MAGI2: variants seen among roughly 807,000 people sequenced by gnomAD.
MAGI2 encodes membrane-associated guanylate kinase, WW and PDZ domain-containing protein 2.
MAGI2 carries 35 observed loss-of-function variants against 133.3 expected under a neutral mutation model. The observed-to-expected ratio is 0.26, with a 90% CI of 0.20 to 0.35. MAGI2 has a LOEUF of 0.35. Ranked by LOEUF, MAGI2 falls within the 10% of genes least tolerant of loss-of-function variation. The pLI is 1.00. For missense variants in MAGI2, 1,636 were observed against 1,863.4 expected (o/e 0.88, Z 2.25); for synonymous variants, 729 against 710.6 (o/e 1.03, Z -0.41).
At chr7:78,593,166 G>GATCTC (rs1804222016) in intron 3 of MAGI2, among the ~76,000 whole-genome samples, 1 of 151,412 alleles carries the variant, frequency 6.6e-6, no homozygotes, top group Non-Finnish European at 1.5e-5. Context: ...TTAGATGAGG[G>GATCTC]CGGATCACGA....
intron 1 of MAGI2, among the ~76,000 whole-genome samples, chr7:79,329,494 T>C (rs556773939): frequency 1.3e-5 from 2 of 152,346 alleles, no homozygotes; most frequent in South Asian, 2.1e-4. Flanking sequence ...TAATACAACA[T>C]AGTATGACTT....
intron 2 of MAGI2, among the ~76,000 whole-genome samples, chr7:78,954,198 C>A (rs2115600713): frequency 6.6e-6 from 1 of 152,162 alleles, no homozygotes; most frequent in East Asian, 1.9e-4. Flanking sequence ...ACACTGTAAG[C>A]CCCGGAGAGC....
chr7:78,473,647 C>T (rs981052178), intron 6 of MAGI2, among the ~76,000 whole-genome samples: 1 of 150,654 alleles, frequency 6.6e-6, no homozygotes, highest in Admixed American at 6.7e-5. Context: ...ACCATGCACA[C>T]TTTTTCATCA....
chr7:78,128,896 T>C (rs1326806053), intron 18 of MAGI2, among the ~76,000 whole-genome samples: 1 of 152,202 alleles, frequency 6.6e-6, no homozygotes, highest in Non-Finnish European at 1.5e-5. Flanking sequence ...ATGCTGAGAA[T>C]AGAATTATTT....
At chr7:78,774,094 TGCTGAGTA>T (rs1194291253) in intron 2 of MAGI2, among the ~76,000 whole-genome samples, 1 of 152,204 alleles carries the variant, frequency 6.6e-6, no homozygotes, top group East Asian at 1.9e-4. Flanking sequence ...TTGTAGTGTT[TGCTGAGTA>T]CCAGAATCAC....
chr7:78,127,174 C>A (rs1821068908), intron 19 of MAGI2, 23 bp downstream of exon 19: 4 of 1,535,670 alleles, frequency 2.6e-6, no homozygotes, highest in East Asian at 2.3e-5. Flanking sequence ...TCAGGACCCA[C>A]CCTGCTCTCC....
chr7:78,226,044 G>C (rs1262871395), intron 10 of MAGI2, among the ~76,000 whole-genome samples: 1 of 152,122 alleles, frequency 6.6e-6, no homozygotes. Context: ...AAAATTATTA[G>C]AAAATTAAAA....
intron 1 of MAGI2, among the ~76,000 whole-genome samples, chr7:79,020,333 A>C (rs771327514): frequency 6.6e-6 from 1 of 152,208 alleles, no homozygotes; most frequent in Non-Finnish European, 1.5e-5. Context: ...ATTCACAAAA[A>C]TATGTTTTGG....
At chr7:78,469,762 G>C (rs1042916836) in intron 6 of MAGI2, among the ~76,000 whole-genome samples, 1 of 152,022 alleles carries the variant, frequency 6.6e-6, no homozygotes, top group Non-Finnish European at 1.5e-5. Context: ...TTCCAATTTA[G>C]AATCCTGAGA....
intron 20 of MAGI2, 44 bp downstream of exon 20, chr7:78,125,650 T>C: frequency 6.2e-7 from 1 of 1,603,058 alleles, no homozygotes; most frequent in Non-Finnish European, 8.5e-7. Flanking sequence ...CAGTCGGTTT[T>C]TCTTTCAGAA....
chr7:79,217,353 A>G (rs1025654987), intron 1 of MAGI2, among the ~76,000 whole-genome samples: 3 of 152,164 alleles, frequency 2.0e-5, no homozygotes, highest in Non-Finnish European at 4.4e-5. Flanking sequence ...TCCCTATCAT[A>G]TATTTATTTC....
intron 2 of MAGI2, among the ~76,000 whole-genome samples, chr7:78,872,467 T>C (rs1048240927): frequency 6.6e-6 from 1 of 152,132 alleles, no homozygotes; most frequent in Admixed American, 6.5e-5. Flanking sequence ...ACATACATTC[T>C]TTGAATCTTA....
At chr7:78,276,954 CCA>C (rs989734065) in intron 9 of MAGI2, among the ~76,000 whole-genome samples, 2 of 152,060 alleles carry the variant, frequency 1.3e-5, no homozygotes, top group Admixed American at 6.6e-5. Flanking sequence ...GCATTCACTT[CCA>C]GACTTCTTAT....
chr7:79,229,718 T>C (rs1161227302), intron 1 of MAGI2, among the ~76,000 whole-genome samples: 1 of 152,156 alleles, frequency 6.6e-6, no homozygotes, highest in Non-Finnish European at 1.5e-5. Flanking sequence ...ACTGATGATA[T>C]GACTTCTCAC....
chr7:79,152,164 G>A (rs552977397), intron 1 of MAGI2, among the ~76,000 whole-genome samples: 34 of 152,180 alleles, frequency 2.2e-4, no homozygotes, highest in Non-Finnish European at 3.8e-4. Context: ...GTGTAGAAGA[G>A]TATCTAAGTG....
At position 78,991,903 on chromosome 7, in the gene MAGI2, A is replaced by G. The variant is rs571409813; in HGVS notation, c.418+15187T>C. 2.6e-5 allele frequency among the ~76,000 whole-genome samples: 4 copies of G among 152,188 alleles called. No individual in the cohort carries two copies. In the South Asian group the frequency reaches 8.3e-4, roughly 32 times the overall value. The stretch of plus-strand genomic sequence containing the variant: ...CAAGAAAACCTTTGATATTTCAGGG[A>G]TTGCCACAATATTTTTCCTTCTTTC... On this transcript the variant is annotated intron_variant, in intron 2 of 21. Transcript: ENST00000354212.
intron 2 of MAGI2, among the ~76,000 whole-genome samples, chr7:78,746,639 A>G (rs1350683721): frequency 6.6e-6 from 1 of 152,232 alleles, no homozygotes; most frequent in African/African-American, 2.4e-5. Flanking sequence ...TACATTTCAT[A>G]GCTGTCTCCT....
intron 1 of MAGI2, among the ~76,000 whole-genome samples, chr7:79,193,039 T>A (rs768714021): frequency 6.6e-6 from 1 of 151,764 alleles, no homozygotes; most frequent in African/African-American, 2.4e-5. Flanking sequence ...TCAAACTCCT[T>A]CTCCTCAAGT....
intron 6 of MAGI2, among the ~76,000 whole-genome samples, chr7:78,416,453 A>T (rs1425041021): frequency 6.6e-6 from 1 of 152,194 alleles, no homozygotes; most frequent in Non-Finnish European, 1.5e-5. Context: ...TAAATTATTC[A>T]TATGAAATGA....
Sources: gnomAD v4.1 joint callset for allele counts (sites outside exome capture counted in the v4.1 genomes callset) on GRCh38, gnomAD v4.1.1 for gene constraint, MANE v1.5 for transcripts, NCBI Gene and HGNC (gene_info 2026-07-23, HGNC 2026-07-21) for gene names.